PAPSS1: variants seen among roughly 807,000 people sequenced by gnomAD.
PAPSS1 encodes the protein 3'-phosphoadenosine 5'-phosphosulfate synthase 1.
PAPSS1 carries 50 observed loss-of-function variants against 72.0 expected under a neutral mutation model. The observed-to-expected ratio is 0.69, with a 90% CI of 0.55 to 0.88. PAPSS1 has a LOEUF of 0.88. Ranked by LOEUF, PAPSS1 falls within the 40% of genes least tolerant of loss-of-function variation. PAPSS1 has a pLI of 0.00. For missense variants in PAPSS1, 657 were observed against 782.2 expected (o/e 0.84, Z 1.91); for synonymous variants, 261 against 263.6 (o/e 0.99, Z 0.09).
At chr4:107,694,595 C>A (rs1162854275) in intron 2 of PAPSS1, among the ~76,000 whole-genome samples, 1 of 152,048 alleles carries the variant, frequency 6.6e-6, no homozygotes, top group Non-Finnish European at 1.5e-5. Context: ...AAGTCATATG[C>A]CCAAATTATT....
At chr4:107,646,211 C>G (rs1726687243) in intron 9 of PAPSS1, among the ~76,000 whole-genome samples, 1 of 151,794 alleles carries the variant, frequency 6.6e-6, no homozygotes, top group Non-Finnish European at 1.5e-5. Context: ...ATTTTTCTAT[C>G]CTTCTCAATG....
At chr4:107,634,937 A>G (rs541823330) in intron 10 of PAPSS1, among the ~76,000 whole-genome samples, 2 of 151,072 alleles carry the variant, frequency 1.3e-5, no homozygotes, top group South Asian at 2.1e-4. Context: ...AGCTGGGACT[A>G]CAGGCGCCCG....
chr4:107,720,184 G>C lies in PAPSS1; in HGVS notation c.-5C>G, dbSNP rs773944643. ...CAGGCTCCCGGGGATCTCCATGACC[G>C]CGGAGCGCGCTGAGCAGCCGGGGTT... is the stretch of plus-strand genomic sequence containing the variant. On this transcript the variant is annotated 5_prime_UTR_variant, in exon 1 of 12. Coordinates refer to ENST00000265174, the MANE Select transcript of PAPSS1 (RefSeq NM_005443.5). 39 of 1,601,024 alleles carry C rather than the reference G, an allele frequency of 2.4e-5. No individual in the cohort carries two copies. Among genetic ancestry groups the C allele is most frequent in the Non-Finnish European group, 3.1e-5 (36 of 1,174,888 alleles).
chr4:107,687,535 G>A (rs1471291271), intron 3 of PAPSS1, among the ~76,000 whole-genome samples: 1 of 152,104 alleles, frequency 6.6e-6, no homozygotes, highest in African/African-American at 2.4e-5. Context: ...CCCAGCCTGA[G>A]CTGGCATGAA....
intron 5 of PAPSS1, among the ~76,000 whole-genome samples, chr4:107,668,151 G>A (rs1727371243): frequency 1.3e-5 from 2 of 152,128 alleles, no homozygotes; most frequent in South Asian, 2.1e-4. Context: ...GAAACATTGA[G>A]TGTGTAGGCT....
intron 5 of PAPSS1, among the ~76,000 whole-genome samples, chr4:107,667,683 A>G (rs1165782211): frequency 1.3e-5 from 2 of 152,232 alleles, no homozygotes; most frequent in Non-Finnish European, 2.9e-5. Flanking sequence ...AAATTTACTT[A>G]GTTTATTTTA....
At chr4:107,706,878 G>A (rs954120456) in intron 1 of PAPSS1, among the ~76,000 whole-genome samples, 2 of 152,218 alleles carry the variant, frequency 1.3e-5, no homozygotes, top group Non-Finnish European at 2.9e-5. Context: ...GGGTCAGCAG[G>A]TAGGCAGAGC....
intron 5 of PAPSS1, among the ~76,000 whole-genome samples, chr4:107,678,168 C>T (rs965066989): frequency 2.7e-5 from 4 of 150,904 alleles, no homozygotes; most frequent in African/African-American, 4.9e-5. Context: ...CACATGTACC[C>T]TAAAACTTAA....
intron 4 of PAPSS1, among the ~76,000 whole-genome samples, chr4:107,685,523 T>C (rs926390207): frequency 1.3e-5 from 2 of 152,208 alleles, no homozygotes; most frequent in African/African-American, 2.4e-5. Context: ...GAGAGAGTAA[T>C]ATGGGAGCTG....
At chr4:107,665,565 A>G (rs754236836) in intron 5 of PAPSS1, among the ~76,000 whole-genome samples, 1 of 152,140 alleles carries the variant, frequency 6.6e-6, no homozygotes, top group Non-Finnish European at 1.5e-5. Context: ...TCCAATCTGA[A>G]AGGCTCCAGT....
chr4:107,648,824 T>G (rs1046661280), intron 9 of PAPSS1, among the ~76,000 whole-genome samples: 34 of 152,174 alleles, frequency 2.2e-4, no homozygotes, highest in African/African-American at 8.0e-4. Context: ...CAGTTTGATC[T>G]CCCCTCCTCC....
intron 10 of PAPSS1, among the ~76,000 whole-genome samples, chr4:107,636,471 G>T (rs983450833): frequency 2.0e-5 from 3 of 152,124 alleles, no homozygotes; most frequent in Non-Finnish European, 4.4e-5. Flanking sequence ...ATCACTCGTT[G>T]AATTCGCTTA....
At chr4:107,710,809 C>CT (rs1491428534) in intron 1 of PAPSS1, among the ~76,000 whole-genome samples, 3 of 150,536 alleles carry the variant, frequency 2.0e-5, no homozygotes, top group African/African-American at 7.5e-5. Context: ...ACAGCTCTGG[C>CT]TCTCTCTCTC....
At chr4:107,675,442 G>A (rs1727615543) in intron 5 of PAPSS1, among the ~76,000 whole-genome samples, 1 of 152,264 alleles carries the variant, frequency 6.6e-6, no homozygotes, top group African/African-American at 2.4e-5. Flanking sequence ...TAGAAGAAAT[G>A]GATAAATTCT....
At chr4:107,646,008 A>G (rs1726683352) in intron 9 of PAPSS1, among the ~76,000 whole-genome samples, 1 of 152,106 alleles carries the variant, frequency 6.6e-6, no homozygotes, top group Admixed American at 6.6e-5. Context: ...CATCATGTAA[A>G]ATCCAAGATT....
intron 5 of PAPSS1, among the ~76,000 whole-genome samples, chr4:107,671,938 G>A (rs1429772969): frequency 6.6e-6 from 1 of 152,072 alleles, no homozygotes; most frequent in Non-Finnish European, 1.5e-5. Flanking sequence ...TCCAGATACA[G>A]AGGGCCAACT....
chr4:107,676,358 G>A (rs1176433840), intron 5 of PAPSS1, among the ~76,000 whole-genome samples: 3 of 152,136 alleles, frequency 2.0e-5, no homozygotes, highest in Non-Finnish European at 4.4e-5. Flanking sequence ...AAATCAATGT[G>A]CAAAAATCAC....
At chr4:107,615,637 G>A in intron 11 of PAPSS1, among the ~76,000 whole-genome samples, 1 of 152,080 alleles carries the variant, frequency 6.6e-6, no homozygotes, top group East Asian at 1.9e-4. Context: ...TTACAGTATA[G>A]TCCTGAGTCG....
At chr4:107,677,518 T>C in intron 5 of PAPSS1, among the ~76,000 whole-genome samples, 1 of 152,088 alleles carries the variant, frequency 6.6e-6, no homozygotes, top group Non-Finnish European at 1.5e-5. Flanking sequence ...ATGGCGATCA[T>C]TAAAAAGTCA....
Sources: allele counts gnomAD v4.1 joint callset (sites outside exome capture counted in the v4.1 genomes callset), GRCh38; gene constraint gnomAD v4.1.1; transcripts MANE v1.5; gene names NCBI Gene and HGNC (gene_info 2026-07-23, HGNC 2026-07-21).